Variants in PHACTR1 observed in about 807,000 individuals in gnomAD.
The protein encoded by PHACTR1 is RPEL repeat containing 1.
A neutral mutation model predicts 69.2 loss-of-function variants in PHACTR1; 16 were observed. The observed-to-expected ratio is 0.23, with a 90% CI of 0.16 to 0.35. PHACTR1 has a LOEUF of 0.35. PHACTR1 is among the 10% of genes least tolerant of loss of function. The pLI, the probability that PHACTR1 is intolerant of heterozygous loss-of-function variation, is 1.00. For synonymous variants in PHACTR1, 312 were observed against 284.5 expected (o/e 1.10, Z -0.97); for missense variants, 510 against 734.7 (o/e 0.69, Z 3.54).
chr6:13,155,969 A>G (rs1444993071), intron 5 of PHACTR1, among the ~76,000 whole-genome samples: 1 of 152,050 alleles, frequency 6.6e-6, no homozygotes, highest in East Asian at 1.9e-4. Flanking sequence ...CTTTACTATG[A>G]CTTTCAACCC....
chr6:13,022,388 C>T (rs985311736), intron 4 of PHACTR1, among the ~76,000 whole-genome samples: 1 of 152,194 alleles, frequency 6.6e-6, no homozygotes, highest in African/African-American at 2.4e-5. Context: ...AACTATGGCC[C>T]ATGGGCCCTC....
At chr6:13,284,758 T>C (rs573207491) in intron 13 of PHACTR1, among the ~76,000 whole-genome samples, 13 of 151,854 alleles carry the variant, frequency 8.6e-5, no homozygotes, top group Non-Finnish European at 1.2e-4. Context: ...CTGGCTACAT[T>C]ATCACCAACC....
chr6:13,053,386 C>A lies in PHACTR1; in HGVS notation c.272C>A (p.Ala91Glu). The A allele has an allele frequency of 6.2e-7, 1 of 1,607,798 alleles. No homozygotes were observed. The part of the protein sequence containing the change: ...LGAAEEVERL[A>E]AMRSDSLVPG... ...CAAGCTGAGGAAGTGGAGAGGCTGG[C>A]GGCGATGCGTTCTGACTCCCTCGTC... The change falls in exon 5 of 15, where the codon GCG becomes GAG. Residue 91 changes from alanine (A) to glutamate (E), a missense_variant. Physicochemically the swap from Ala to Glu is moderately radical, Grantham distance 107. Coordinates refer to ENST00000332995, the MANE Select transcript of PHACTR1 (RefSeq NM_030948.6).
At chr6:12,914,295 A>G (rs1325604101) in intron 4 of PHACTR1, among the ~76,000 whole-genome samples, 1 of 152,078 alleles carries the variant, frequency 6.6e-6, no homozygotes, top group Non-Finnish European at 1.5e-5. Context: ...ACTGCTCCCA[A>G]CAGAGGCAAC....
At chr6:12,725,367 C>G (rs1447131526) in intron 3 of PHACTR1, among the ~76,000 whole-genome samples, 2 of 152,228 alleles carry the variant, frequency 1.3e-5, no homozygotes, top group Non-Finnish European at 2.9e-5. Context: ...CATGCTCATA[C>G]TATTTCCTTT....
rs11966315 is a variant in PHACTR1 at position 12,860,340 on chromosome 6, A to G, written c.250+110550A>G. Among the ~76,000 whole-genome samples, 1,077 of 152,160 alleles carry G rather than the reference A, an allele frequency of 7.1e-3. 20 individuals carry two copies. Among genetic ancestry groups the G allele is most frequent in the African/African-American group, 0.025 (1,028 of 41,498 alleles). On this transcript the variant is annotated intron_variant, in intron 4 of 14. Transcript: ENST00000332995. ...AAAGGACATGAACTCATTCTTTTTT[A>G]TGGTTGCAGAGTATTCCATGGTGTA... is the stretch of plus-strand genomic sequence containing the variant.
intron 4 of PHACTR1, among the ~76,000 whole-genome samples, chr6:12,821,480 AAAAAG>A (rs66945629): frequency 0.12 from 9,894 of 81,746 alleles, 267 homozygotes; most frequent in African/African-American, 0.2. Context: ...AAAAAAAAAA[AAAAAG>A]AGAGAGAGAG....
rs917036451 is a variant in PHACTR1 at position 12,717,534 on chromosome 6, C to G, written c.-256C>G. The G allele has an allele frequency of 6.6e-6, 1 of 152,156 alleles. No individual in the cohort carries two copies. The highest frequency in any genetic ancestry group is 1.5e-5 in the Non-Finnish European group (1 of 68,004). 9.4% of individuals were successfully genotyped at this position (152,156 alleles called of 1,614,324 possible). A position where few individuals can be genotyped will look rare whatever the true frequency, so the allele number is the denominator to read the frequency against. On this transcript the variant is annotated 5_prime_UTR_variant, in exon 2 of 15. Coordinates refer to ENST00000332995, the MANE Select transcript of PHACTR1 (RefSeq NM_030948.6). Reference sequence around the variant, plus strand: ...GGGAGGGTGCAGAGGCTGAGGCTGGCGTCACCTTCCGTTGCTAAGGTAACG... The same window carrying G: ...GGGAGGGTGCAGAGGCTGAGGCTGGGGTCACCTTCCGTTGCTAAGGTAACG...
intron 4 of PHACTR1, among the ~76,000 whole-genome samples, chr6:12,774,383 G>T (rs1248206888): frequency 6.6e-6 from 1 of 151,594 alleles, no homozygotes; most frequent in African/African-American, 2.4e-5. Context: ...TTTGGCTTTT[G>T]TTGTTGTTGT....
At chr6:12,940,440 G>T (rs1044888080) in intron 4 of PHACTR1, among the ~76,000 whole-genome samples, 10 of 152,216 alleles carry the variant, frequency 6.6e-5, no homozygotes, top group African/African-American at 2.4e-4. Flanking sequence ...AACAGGGTAA[G>T]AGGCTGGAAG....
At chr6:13,237,478 G>T (rs1772174271) in intron 10 of PHACTR1, among the ~76,000 whole-genome samples, 1 of 152,318 alleles carries the variant, frequency 6.6e-6, no homozygotes, top group Admixed American at 6.5e-5. Flanking sequence ...CTTGGACCTG[G>T]ATGGTGTAGT....
chr6:13,088,121 G>A (rs529896000), intron 5 of PHACTR1, among the ~76,000 whole-genome samples: 12 of 152,014 alleles, frequency 7.9e-5, no homozygotes, highest in South Asian at 2.1e-4. Context: ...CACAATTCCC[G>A]CACAGAGAGT....
intron 5 of PHACTR1, among the ~76,000 whole-genome samples, chr6:13,084,117 A>G (rs1340446424): frequency 6.6e-6 from 1 of 152,098 alleles, no homozygotes; most frequent in Admixed American, 6.6e-5. Flanking sequence ...AAGACTTGGA[A>G]CTGACCCAAA....
chr6:13,074,773 C>G (rs1178884604), intron 5 of PHACTR1, among the ~76,000 whole-genome samples: 2 of 152,158 alleles, frequency 1.3e-5, no homozygotes, highest in Non-Finnish European at 2.9e-5. Flanking sequence ...CATGATCTTT[C>G]TACACAGTGG....
chr6:13,190,555 C>T (rs1172452222), intron 7 of PHACTR1, among the ~76,000 whole-genome samples: 1 of 151,994 alleles, frequency 6.6e-6, no homozygotes, highest in Non-Finnish European at 1.5e-5. Context: ...ACTCAAGGCA[C>T]TTGGTTATAA....
At chr6:13,166,717 A>G (rs1015124694) in intron 6 of PHACTR1, among the ~76,000 whole-genome samples, 1 of 152,196 alleles carries the variant, frequency 6.6e-6, no homozygotes, top group African/African-American at 2.4e-5. Flanking sequence ...TGGGAAAAAT[A>G]TAGCAATGTC....
intron 4 of PHACTR1, among the ~76,000 whole-genome samples, chr6:12,937,794 A>G (rs373610874): frequency 3.3e-5 from 5 of 152,284 alleles, no homozygotes; most frequent in African/African-American, 1.2e-4. Flanking sequence ...AACACAATGC[A>G]ATGCAAAAGA....
chr6:12,777,239 A>AT (rs1330145058), intron 4 of PHACTR1, among the ~76,000 whole-genome samples: 144 of 107,510 alleles, frequency 1.3e-3, no homozygotes, highest in African/African-American at 4.5e-3. Context: ...ATATATATAT[A>AT]TATTTTTTTA....
At chr6:13,139,413 G>A (rs1171690925) in intron 5 of PHACTR1, among the ~76,000 whole-genome samples, 1 of 152,042 alleles carries the variant, frequency 6.6e-6, no homozygotes, top group African/African-American at 2.4e-5. Flanking sequence ...CAAAAAGTTT[G>A]CCAACACCTG....
Sources: allele counts gnomAD v4.1 joint callset (sites outside exome capture counted in the v4.1 genomes callset), GRCh38; gene constraint gnomAD v4.1.1; transcripts MANE v1.5; gene names NCBI Gene and HGNC (gene_info 2026-07-23, HGNC 2026-07-21).